HMX1: variants seen among roughly 807,000 people sequenced by gnomAD.
HMX1 encodes the protein homeobox protein HMX1.
Under a neutral mutation model 8.9 loss-of-function variants are expected in HMX1, and 8 were observed. That is an observed-to-expected ratio of 0.90 (90% CI 0.53 to 1.63). HMX1 has a LOEUF of 1.63. Among genes scored for constraint, HMX1 ranks in the 40% most tolerant of loss-of-function variants. HMX1 has a pLI of 0.00. For synonymous variants in HMX1, 311 were observed against 283.4 expected (o/e 1.10, Z -0.98); for missense variants, 621 against 558.5 (o/e 1.11, Z -1.13).
chr4:8,860,893 G>GT (rs1721783059), intron 1 of HMX1: 1 of 152,056 alleles, frequency 6.6e-6, no homozygotes, highest in South Asian at 2.1e-4. Flanking sequence ...TGAGAACTGA[G>GT]GGGCGAGGCT....
At chr4:8,854,916 T>C (rs541730160) in intron 1 of HMX1, among the ~76,000 whole-genome samples, 1 of 152,322 alleles carries the variant, frequency 6.6e-6, no homozygotes, top group Admixed American at 6.5e-5. Flanking sequence ...TGCAAAACAA[T>C]TTCAGTGAAC....
chr4:8,867,380 A>G lies in HMX1; in HGVS notation c.*313T>C, dbSNP rs2109471946. The G allele has an allele frequency of 1.1e-5, 12 of 1,044,476 alleles. No homozygotes were observed. Among genetic ancestry groups the G allele is most frequent in the Non-Finnish European group, 1.4e-5 (12 of 869,408 alleles). 64.7% of individuals were successfully genotyped at this position (1,044,476 alleles called of 1,614,324 possible). ...CTGAGGGCAGCTGCCCCGGGTGGCC[A>G]TGGCCGACCGCTCCTCGCTGAGGCC... On this transcript the variant is annotated 3_prime_UTR_variant, in exon 2 of 2. Transcript: ENST00000400677.
rs890203045 is a variant in HMX1, at chr4:8,868,983, G to A, written c.395-638C>T. On this transcript the variant is annotated intron_variant, in intron 1 of 1. Coordinates refer to ENST00000400677, the MANE Select transcript of HMX1 (RefSeq NM_018942.3). This position sits in a 1 kb window ranked among gnomAD's most constrained non-coding sequence, Gnocchi z 4.6. ...AAGAGAACTCCCATCAGGTGAGGCT[G>A]TCACCCCCACACCACATACTCCTGT... 6.6e-6 allele frequency among the ~76,000 whole-genome samples: 1 copy of A among 152,142 alleles called. No individual in the cohort carries two copies. Among genetic ancestry groups the A allele is most frequent in the African/African-American group, 2.4e-5 (1 of 41,444 alleles).
downstream of HMX1, among the ~76,000 whole-genome samples, chr4:8,863,070 C>G (rs957272916): frequency 6.6e-6 from 1 of 152,046 alleles, no homozygotes; most frequent in Non-Finnish European, 1.5e-5. Context: ...CACTTCCCAG[C>G]GGGACCCTGG....
At position 8,867,560 on chromosome 4, in the gene HMX1, G is replaced by A; in HGVS notation, c.*133C>T. The stretch of plus-strand genomic sequence containing the variant: ...TGAGGCCCGCCCGGCCGCGGCCTGC[G>A]CTCCCGAGGTATCTAGGAGGCCGCA... On this transcript the variant is annotated 3_prime_UTR_variant, in exon 2 of 2. Coordinates refer to ENST00000400677, the MANE Select transcript of HMX1 (RefSeq NM_018942.3). The A allele has an allele frequency of 1.7e-6, 2 of 1,188,110 alleles. No homozygotes were observed. Among genetic ancestry groups the A allele is most frequent in the Non-Finnish European group, 1.0e-6 (1 of 960,022 alleles). The allele number at this position is 1,188,110 out of a possible 1,614,324, so 73.6% of individuals were successfully genotyped here. A position where few individuals can be genotyped will look rare whatever the true frequency, so the allele number is the denominator to read the frequency against.
chr4:8,846,419 A>T, intron 1 of HMX1: 1 of 970,074 alleles, frequency 1.0e-6, no homozygotes. Context: ...CACATGGCTC[A>T]AAACCCAAAC....
rs1721530446 is a variant in HMX1 at position 8,853,896 on chromosome 4, A to G, written c.395-7572T>C. On this transcript the variant is annotated intron_variant, in intron 1 of 1. Coordinates refer to the HMX1 transcript ENST00000506970. The surrounding 1 kb of genome is among the most constrained non-coding windows in gnomAD (Gnocchi z 4.7). ...GGGAAGAATGGATCCCCCTTTCCTC[A>G]CTCTGAGATCAGATAAAAATGTATG... Among the ~76,000 whole-genome samples the G allele has an allele frequency of 1.3e-5, 2 of 152,066 alleles. No individual in the cohort carries two copies. Among genetic ancestry groups the G allele is most frequent in the African/African-American group, 4.8e-5 (2 of 41,392 alleles).
chr4:8,857,106 C>G (rs1424992176), intron 1 of HMX1, among the ~76,000 whole-genome samples: 1 of 152,252 alleles, frequency 6.6e-6, no homozygotes, highest in Non-Finnish European at 1.5e-5. Context: ...CTCTGGCTAT[C>G]TCCAGGTAGT....
chr4:8,850,614 G>A (rs987502267), intron 1 of HMX1, among the ~76,000 whole-genome samples: 2 of 152,068 alleles, frequency 1.3e-5, no homozygotes, highest in African/African-American at 4.8e-5. Context: ...GCCCACAATC[G>A]CCTCCACCAC....
intron 1 of HMX1, among the ~76,000 whole-genome samples, chr4:8,861,812 G>C (rs1400693609): frequency 6.6e-6 from 1 of 152,244 alleles, no homozygotes; most frequent in African/African-American, 2.4e-5. Context: ...CGCACCTTTC[G>C]CGTGGGTCGG....
chr4:8,862,965 C>G (rs1344993288), downstream of HMX1, among the ~76,000 whole-genome samples: 2 of 152,174 alleles, frequency 1.3e-5, no homozygotes, highest in Non-Finnish European at 2.9e-5. Flanking sequence ...CTCCGTTTCC[C>G]TCCAGGGCAG....
downstream of HMX1, among the ~76,000 whole-genome samples, chr4:8,862,061 C>T (rs918691358): frequency 2.0e-5 from 3 of 152,210 alleles, no homozygotes; most frequent in Non-Finnish European, 4.4e-5. Flanking sequence ...CCAGCGGAGG[C>T]GACGCCCCGG....
chr4:8,867,244 G>C lies in HMX1; in HGVS notation c.*449C>G, dbSNP rs1268907030. 2 of 986,092 alleles carry C rather than the reference G, an allele frequency of 2.0e-6. No individual in the cohort carries two copies. Among genetic ancestry groups the C allele is most frequent in the East Asian group, 2.3e-4 (2 of 8,832 alleles). 61.1% of individuals were successfully genotyped at this position (986,092 alleles called of 1,614,324 possible). A position where few individuals can be genotyped will look rare whatever the true frequency, so the allele number is the denominator to read the frequency against. On this transcript the variant is annotated 3_prime_UTR_variant, in exon 2 of 2. Coordinates refer to ENST00000400677, the MANE Select transcript of HMX1 (RefSeq NM_018942.3). ...GCACAGCCCTCCGGGCCGGCCTGCTGTCTGGGTCCCAGGAAAGGGACGTTT... is the reference window on the plus strand; with the variant it reads ...GCACAGCCCTCCGGGCCGGCCTGCTCTCTGGGTCCCAGGAAAGGGACGTTT...
downstream of HMX1, among the ~76,000 whole-genome samples, chr4:8,864,295 G>A (rs1721922236): frequency 6.6e-6 from 1 of 152,214 alleles, no homozygotes; most frequent in South Asian, 2.1e-4. Flanking sequence ...ACTGGGTCCA[G>A]TATAGGCGTG....
Position 8,867,867 on chromosome 4 carries a change from C to CG in HMX1, c.872dup (p.Ala292GlyfsTer88). On this transcript the variant is annotated frameshift_variant, in exon 2 of 2. Transcript: ENST00000400677. LOFTEE classifies it low-confidence loss of function (END_TRUNC). Reference sequence around the variant, plus strand: ...CCGGGGGCCCAGCGGCGGCTGCGGCCGGGGGGCTTTCGTGGTAGAGCACCG... The same window carrying CG: ...CCGGGGGCCCAGCGGCGGCTGCGGCCGGGGGGGCTTTCGTGGTAGAGCACCG... 5 of 1,262,042 alleles carry CG rather than the reference C, an allele frequency of 4.0e-6. No homozygotes were observed. The highest frequency in any genetic ancestry group is 3.0e-5 in the South Asian group (1 of 33,712). 78.2% of individuals were successfully genotyped at this position (1,262,042 alleles called of 1,614,324 possible).
intron 1 of HMX1, among the ~76,000 whole-genome samples, chr4:8,861,768 C>T (rs1006524824): frequency 6.6e-6 from 1 of 152,256 alleles, no homozygotes. Context: ...CTCAGAGCCC[C>T]GGGATCAAGG....
In HMX1 at chr4:8,871,281, C is replaced by A; in HGVS notation, c.334G>T (p.Gly112Cys). ...GCCCGTGGGTACCAGCGCGCTGCGCCTCCGCAGCCCAGAGCGAAGGGCGGC... is the reference window on the plus strand; with the variant it reads ...GCCCGTGGGTACCAGCGCGCTGCGCATCCGCAGCCCAGAGCGAAGGGCGGC... ...PGPPFALGCG[G>C]AARWYPRAHG... is the part of the protein sequence containing the mutation. Residue 112 changes from glycine (G) to cysteine (C), a missense_variant, in exon 1 of 2, where the codon GGC becomes TGC. Transcript: ENST00000400677. The surrounding 1 kb of genome is among the most constrained non-coding windows in gnomAD (Gnocchi z 4.8). The A allele has an allele frequency of 6.8e-7, 1 of 1,477,384 alleles. No homozygotes were observed. Among genetic ancestry groups the A allele is most frequent in the Admixed American group, 2.3e-5 (1 of 43,624 alleles). The allele number at this position is 1,477,384 out of a possible 1,614,324, so 91.5% of individuals were successfully genotyped here.
Position 8,861,634 on chromosome 4 carries a change from C to T in HMX1, c.394+9587G>A, listed in dbSNP as rs1224630539. Reference sequence around the variant, plus strand: ...CCCCGGGGGCACGGCCGAGGCTGCGCTTCAGGAGTGTCCGCCAGGCGCCTT... The same window carrying T: ...CCCCGGGGGCACGGCCGAGGCTGCGTTTCAGGAGTGTCCGCCAGGCGCCTT... On this transcript the variant is annotated intron_variant, in intron 1 of 1. Transcript: ENST00000506970. Among the ~76,000 whole-genome samples, 3 of 152,262 alleles carry T rather than the reference C, an allele frequency of 2.0e-5. No homozygotes were observed. In the East Asian group the frequency reaches 5.9e-4, roughly 30 times the overall value.
At chr4:8,859,425 G>A (rs1305874853) in intron 1 of HMX1, among the ~76,000 whole-genome samples, 1 of 152,092 alleles carries the variant, frequency 6.6e-6, no homozygotes, top group African/African-American at 2.4e-5. Context: ...GCGGGACTTA[G>A]AAAATTCCAA....
Sources: gnomAD v4.1 joint callset for allele counts (sites outside exome capture counted in the v4.1 genomes callset) on GRCh38, gnomAD v4.1.1 for gene constraint, Gnocchi (gnomAD v3.1) non-coding constraint, MANE v1.5 for transcripts, NCBI Gene and HGNC (gene_info 2026-07-23, HGNC 2026-07-21) for gene names.